Variants in WDR82 observed in about 807,000 individuals in gnomAD.
The protein encoded by WDR82 is WD repeat domain 82, also known as WD repeat-containing protein 82.
In WDR82, 8 loss-of-function variants were observed where a neutral mutation model predicts 36.1. The ratio of observed to expected loss-of-function variants is 0.22; its 90% confidence interval spans 0.13 to 0.40. WDR82 has a LOEUF of 0.40. WDR82 is among the 10% of genes least tolerant of loss of function. The pLI is 1.00. For synonymous variants in WDR82, 129 were observed against 137.8 expected (o/e 0.94, Z 0.45); for missense variants, 185 against 400.5 (o/e 0.46, Z 4.59).
At chr3:52,277,510 A>C (rs769617119) in intron 1 of WDR82, among the ~76,000 whole-genome samples, 4 of 152,244 alleles carry the variant, frequency 2.6e-5, no homozygotes, top group Admixed American at 1.3e-4. Flanking sequence ...TGGGACGACC[A>C]AGTTCGTTTG....
At chr3:52,266,052 A>G (rs778302836) in intron 3 of WDR82, among the ~76,000 whole-genome samples, 6 of 152,210 alleles carry the variant, frequency 3.9e-5, no homozygotes, top group African/African-American at 7.2e-5. Context: ...AAGTTGAAAA[A>G]TTAGAGAAAA....
intron 1 of WDR82, 44 bp downstream of exon 1, chr3:52,278,157 A>G (rs751506848): frequency 6.6e-7 from 1 of 1,522,904 alleles, no homozygotes; most frequent in Non-Finnish European, 8.9e-7. Context: ...GGGCCACCGG[A>G]GGGAGGCACT....
chr3:52,267,181 T>C (rs969452906), intron 2 of WDR82, 163 bp from the exon 3 acceptor site: 2 of 499,464 alleles, frequency 4.0e-6, no homozygotes, highest in African/African-American at 2.0e-5. Context: ...AGCTGAAGAG[T>C]GGGTATGTAG....
Position 52,266,806 on chromosome 3 carries a change from A to G in WDR82, c.326+146T>C, listed in dbSNP as rs113585866. 349 of 664,358 alleles carry G rather than the reference A, an allele frequency of 5.3e-4. 2 individuals are homozygous for G. The African/African-American group carries it at 5.8e-3, about 11-fold the overall frequency. 41.2% of individuals were successfully genotyped at this position (664,358 alleles called of 1,614,324 possible). A position where few individuals can be genotyped will look rare whatever the true frequency, so the allele number is the denominator to read the frequency against. On this transcript the variant is annotated intron_variant, in intron 3 of 8. Coordinates refer to ENST00000296490, the MANE Select transcript of WDR82 (RefSeq NM_025222.4). Reference sequence around the variant, plus strand: ...ACCTCTATAACCTCAGTAAATCAAGAGTTGACTATTTAAGAGAAGATGAAG... The same window carrying G: ...ACCTCTATAACCTCAGTAAATCAAGGGTTGACTATTTAAGAGAAGATGAAG...
chr3:52,257,429 CCT>C lies in WDR82; in HGVS notation c.*59_*60del. On this transcript the variant is annotated 3_prime_UTR_variant, in exon 9 of 9. Coordinates refer to ENST00000296490, the MANE Select transcript of WDR82 (RefSeq NM_025222.4). Reference sequence around the variant, plus strand: ...TCCAATCCCACTATTATCTCAGTTCCCTCTGAGTTTCTTCCTGCTGGCCGCCC... The same window carrying C: ...TCCAATCCCACTATTATCTCAGTTCCCTGAGTTTCTTCCTGCTGGCCGCCC... 6.2e-7 allele frequency: 1 copy of C among 1,607,662 alleles called. No homozygotes were observed. The highest frequency in any genetic ancestry group is 8.5e-7 in the Non-Finnish European group (1 of 1,174,198).
At position 52,277,776 on chromosome 3, in the gene WDR82, G is replaced by C. The variant is rs967136438; in HGVS notation, c.161+425C>G. Among the ~76,000 whole-genome samples, 9 of 152,362 alleles carry C rather than the reference G, an allele frequency of 5.9e-5. No individual in the cohort carries two copies. The South Asian group carries it at 1.9e-3, about 32-fold the overall frequency. On this transcript the variant is annotated intron_variant, in intron 1 of 8. Coordinates refer to ENST00000296490, the MANE Select transcript of WDR82 (RefSeq NM_025222.4). ...CGAGGTCACAGTGGAGAGAGCACAA[G>C]AGAGAGCTGACGCTGCCGAAGGAGG... is the stretch of plus-strand genomic sequence containing the variant.
intron 1 of WDR82, among the ~76,000 whole-genome samples, chr3:52,275,569 A>G (rs1159639615): frequency 6.6e-6 from 1 of 152,196 alleles, no homozygotes; most frequent in Non-Finnish European, 1.5e-5. Flanking sequence ...CTCTGGTTAC[A>G]TAAGAATGTC....
intron 6 of WDR82, among the ~76,000 whole-genome samples, chr3:52,259,497 A>C (rs998128179): frequency 4.6e-5 from 7 of 152,242 alleles, no homozygotes; most frequent in Non-Finnish European, 2.9e-5. Context: ...TATTGTTAGG[A>C]AATTATTTTA....
rs538712972 is a variant in WDR82 at position 52,269,684 on chromosome 3, C to T, written c.259+1028G>A. Among the ~76,000 whole-genome samples the T allele has an allele frequency of 7.3e-5, 11 of 151,606 alleles. No individual in the cohort carries two copies. In the South Asian group the frequency reaches 1.2e-3, roughly 17 times the overall value. Reference sequence around the variant, plus strand: ...GGCGGAGGTTGCAGCGAGCTGAGATCGCGCCACTGCACTCCAGCCTAGGCA... The same window carrying T: ...GGCGGAGGTTGCAGCGAGCTGAGATTGCGCCACTGCACTCCAGCCTAGGCA... On this transcript the variant is annotated intron_variant, in intron 2 of 8. Coordinates refer to ENST00000296490, the MANE Select transcript of WDR82 (RefSeq NM_025222.4).
At chr3:52,266,806 A>T (rs113585866) in intron 3 of WDR82, 146 bp downstream of exon 3, 2 of 664,242 alleles carry the variant, frequency 3.0e-6, no homozygotes, top group Non-Finnish European at 5.3e-6. Flanking sequence ...GTAAATCAAG[A>T]GTTGACTATT....
rs780036390 is a variant in WDR82, at chr3:52,257,521, T to C, written c.913-2A>G. ...ATCAATGGTGGGCAACCAAAAGGCCTAGAAGGAGAACATAAATCAACTTTA... is the reference window on the plus strand; with the variant it reads ...ATCAATGGTGGGCAACCAAAAGGCCCAGAAGGAGAACATAAATCAACTTTA... On this transcript the variant is annotated splice_acceptor_variant, in intron 8 of 8. Coordinates refer to ENST00000296490, the MANE Select transcript of WDR82 (RefSeq NM_025222.4). LOFTEE classifies it high-confidence loss of function. 1.2e-6 allele frequency: 2 copies of C among 1,614,064 alleles called. No homozygotes were observed. The highest frequency in any genetic ancestry group is 1.7e-6 in the Non-Finnish European group (2 of 1,180,010).
At position 52,267,037 on chromosome 3, in the gene WDR82, G is replaced by A; in HGVS notation, c.260-19C>T. On this transcript the variant is annotated intron_variant, in intron 2 of 8. Transcript: ENST00000296490. ...ATAGTATCTGTAAAAAGACAAACAA[G>A]GTATGATGATATCATACTATTTAAA... is the stretch of plus-strand genomic sequence containing the variant. 2 of 1,587,374 alleles carry A rather than the reference G, an allele frequency of 1.3e-6. No homozygotes were observed. Among genetic ancestry groups the A allele is most frequent in the East Asian group, 2.3e-5 (1 of 44,290 alleles).
intron 1 of WDR82, among the ~76,000 whole-genome samples, chr3:52,276,375 G>C (rs1700202853): frequency 6.6e-6 from 1 of 151,594 alleles, no homozygotes; most frequent in African/African-American, 2.4e-5. Context: ...AGGTTGCAGT[G>C]AGCCAAGATC....
chr3:52,261,269 C>T, intron 4 of WDR82, 111 bp downstream of exon 4: 1 of 921,846 alleles, frequency 1.1e-6, no homozygotes, highest in Non-Finnish European at 1.6e-6. Context: ...TTAAAAAGAC[C>T]CTGTGATCCC....
intron 3 of WDR82, among the ~76,000 whole-genome samples, chr3:52,263,916 C>T (rs1278247909): frequency 6.6e-6 from 1 of 152,210 alleles, no homozygotes. Context: ...GTAATCCCAG[C>T]ACTTTGGGAG....
Position 52,278,644 on chromosome 3 carries a change from G to A in WDR82, c.-283C>T, listed in dbSNP as rs1000829173. 4 of 397,296 alleles carry A rather than the reference G, an allele frequency of 1.0e-5. No homozygotes were observed. The highest frequency in any genetic ancestry group is 2.1e-5 in the African/African-American group (1 of 48,500). The allele number at this position is 397,296 out of a possible 1,614,324, so 24.6% of individuals were successfully genotyped here. Reference sequence around the variant, plus strand: ...CGCCATTTTGGGGCGACAGGCAGAAGCTGAGGGCGAGGAGCCTCAGCCGCG... The same window carrying A: ...CGCCATTTTGGGGCGACAGGCAGAAACTGAGGGCGAGGAGCCTCAGCCGCG... On this transcript the variant is annotated 5_prime_UTR_variant, in exon 1 of 9. Coordinates refer to ENST00000296490, the MANE Select transcript of WDR82 (RefSeq NM_025222.4).
At chr3:52,275,873 G>C (rs947124186) in intron 1 of WDR82, among the ~76,000 whole-genome samples, 1 of 152,140 alleles carries the variant, frequency 6.6e-6, no homozygotes, top group African/African-American at 2.4e-5. Flanking sequence ...GACTGAGCGA[G>C]ACTCCATCTC....
In WDR82 at chr3:52,257,384, T is replaced by C; in HGVS notation, c.*106A>G. 9.4e-6 allele frequency: 14 copies of C among 1,493,298 alleles called. No homozygotes were observed. Among genetic ancestry groups the C allele is most frequent in the Non-Finnish European group, 1.1e-5 (12 of 1,072,726 alleles). 92.5% of individuals were successfully genotyped at this position (1,493,298 alleles called of 1,614,324 possible). ...ATGGGAAGGCCATGTAAAAGGATGT[T>C]CTCCAGCCCAGTCAAATGATCCAAT... On this transcript the variant is annotated 3_prime_UTR_variant, in exon 9 of 9. Coordinates refer to ENST00000296490, the MANE Select transcript of WDR82 (RefSeq NM_025222.4).
chr3:52,277,831 G>A (rs765512488), intron 1 of WDR82, among the ~76,000 whole-genome samples: 6 of 152,192 alleles, frequency 3.9e-5, no homozygotes, highest in Non-Finnish European at 8.8e-5. Context: ...GTCCTGCGTC[G>A]AGGCCGGAGC....
Sources: gnomAD v4.1 joint callset for allele counts (sites outside exome capture counted in the v4.1 genomes callset) on GRCh38, gnomAD v4.1.1 for gene constraint, MANE v1.5 for transcripts, NCBI Gene and HGNC (gene_info 2026-07-23, HGNC 2026-07-21) for gene names.